RNF152: variants seen among roughly 807,000 people sequenced by gnomAD.
The protein encoded by RNF152 is ring finger protein 152, also known as E3 ubiquitin-protein ligase RNF152.
In RNF152, 11 loss-of-function variants were observed where a neutral mutation model predicts 12.7. That is an observed-to-expected ratio of 0.86 (90% CI 0.54 to 1.43). RNF152 has a LOEUF of 1.43. Among genes scored for constraint, RNF152 ranks in the 40% most tolerant of loss-of-function variants. The probability of loss-of-function intolerance (pLI) is 0.00; values close to 1 mark genes in which losing one functional copy is unlikely to be tolerated. For missense variants in RNF152, 255 were observed against 274.8 expected (o/e 0.93, Z 0.51); for synonymous variants, 113 against 120.3 (o/e 0.94, Z 0.40).
At chr18:61,825,077 T>G (rs1909595020) in intron 1 of RNF152, among the ~76,000 whole-genome samples, 1 of 152,188 alleles carries the variant, frequency 6.6e-6, no homozygotes, top group African/African-American at 2.4e-5. Flanking sequence ...ACAAAAATCC[T>G]ACTAAGTCTT....
chr18:61,823,572 C>T (rs1909520228), intron 1 of RNF152, among the ~76,000 whole-genome samples: 1 of 152,228 alleles, frequency 6.6e-6, no homozygotes, highest in South Asian at 2.1e-4. Flanking sequence ...GTGCTGGGAT[C>T]ACAGGCGTGA....
intron 1 of RNF152, among the ~76,000 whole-genome samples, chr18:61,887,742 G>A (rs184385080): frequency 1.5e-4 from 23 of 149,862 alleles, no homozygotes; most frequent in Non-Finnish European, 2.7e-4. Context: ...TATTTCTACA[G>A]TATCTGTCAA....
chr18:61,815,947 T>C lies in RNF152; in HGVS notation c.517A>G (p.Ile173Val), dbSNP rs1345331206. 5 of 1,613,930 alleles carry C rather than the reference T, an allele frequency of 3.1e-6. No individual in the cohort carries two copies. The highest frequency in any genetic ancestry group is 1.3e-5 in the African/African-American group (1 of 74,872). ...AAGACCAAGACGCAAGCCACCAAGA[T>C]GACAGTGCACACCCCCGACCAGGTG... ...SSTWSGVCTV[I>V]LVACVLVFLL... The change falls in exon 2 of 2, where the codon ATC (isoleucine) becomes GTC (valine). Residue 173 changes from isoleucine (I) to valine (V), a missense_variant. By Grantham distance (29) the Ile-to-Val change is conservative. Coordinates refer to ENST00000312828, the MANE Select transcript of RNF152 (RefSeq NM_173557.3).
Position 61,877,197 on chromosome 18 carries a change from T to C in RNF152, c.-136+15598A>G, listed in dbSNP as rs184732941. ...TGGGCACCAAATGAAACCATTTGAC[T>C]TACGTATTTTGGTCAGGGGTTCTGC... On this transcript the variant is annotated intron_variant, in intron 1 of 1. Coordinates refer to ENST00000312828, the MANE Select transcript of RNF152 (RefSeq NM_173557.3). Among the ~76,000 whole-genome samples, 187 of 152,340 alleles carry C rather than the reference T, an allele frequency of 1.2e-3. 1 individual carries two copies. Among genetic ancestry groups the C allele is most frequent in the Non-Finnish European group, 3.1e-4 (21 of 68,022 alleles).
chr18:61,860,915 T>C (rs1026281553), intron 1 of RNF152, among the ~76,000 whole-genome samples: 1 of 151,910 alleles, frequency 6.6e-6, no homozygotes, highest in Non-Finnish European at 1.5e-5. Flanking sequence ...GTTTAAAAGG[T>C]AAAAGAAAAA....
At chr18:61,859,880 AAAAAG>A (rs146200073) in intron 1 of RNF152, among the ~76,000 whole-genome samples, 22 of 151,118 alleles carry the variant, frequency 1.5e-4, no homozygotes, top group Non-Finnish European at 2.1e-4. Context: ...ACCTCAAAGA[AAAAAG>A]AAAAGAAAAG....
chr18:61,882,968 G>A (rs1027280858), intron 1 of RNF152, among the ~76,000 whole-genome samples: 3 of 152,084 alleles, frequency 2.0e-5, no homozygotes, highest in African/African-American at 4.8e-5. Flanking sequence ...AGCATCATGC[G>A]GTTCCACCAG....
intron 1 of RNF152, among the ~76,000 whole-genome samples, chr18:61,879,273 A>G (rs373814821): frequency 3.3e-5 from 5 of 152,238 alleles, no homozygotes; most frequent in African/African-American, 1.2e-4. Flanking sequence ...TTACATTTAC[A>G]TCATGTTTAC....
intron 1 of RNF152, among the ~76,000 whole-genome samples, chr18:61,863,801 C>T (rs1911604161): frequency 6.6e-6 from 1 of 152,178 alleles, no homozygotes; most frequent in African/African-American, 2.4e-5. Flanking sequence ...CCCAAAGCAA[C>T]ACCTGACAAG....
chr18:61,862,695 C>T (rs144985165), intron 1 of RNF152, among the ~76,000 whole-genome samples: 10 of 152,318 alleles, frequency 6.6e-5, no homozygotes, highest in African/African-American at 2.4e-4. Context: ...GTATCCTTTG[C>T]AATATCTTTT....
chr18:61,816,437 C>A lies in RNF152; in HGVS notation c.27G>T (p.Leu9=), dbSNP rs1293780469. The change falls in exon 2 of 2, where the codon CTG becomes CTT. Residue 9 remains leucine (L), a synonymous_variant. Coordinates refer to ENST00000312828, the MANE Select transcript of RNF152 (RefSeq NM_173557.3). ...AATTGAAACAGATCTGACATTCCAG[C>A]AGAGAGTCCTGGGACAGCGTCTCCA... is the stretch of plus-strand genomic sequence containing the variant. METLSQDS[L]LECQICFNYY... 1 of 1,609,384 alleles carries A rather than the reference C, an allele frequency of 6.2e-7. No individual in the cohort carries two copies. Among genetic ancestry groups the A allele is most frequent in the Admixed American group, 1.7e-5 (1 of 59,878 alleles).
chr18:61,886,306 A>G (rs1329062678), intron 1 of RNF152, among the ~76,000 whole-genome samples: 1 of 152,154 alleles, frequency 6.6e-6, no homozygotes, highest in Non-Finnish European at 1.5e-5. Flanking sequence ...TCAAAGAGTC[A>G]CCAATGATTT....
At chr18:61,830,599 A>C (rs909303441) in intron 1 of RNF152, among the ~76,000 whole-genome samples, 1 of 152,144 alleles carries the variant, frequency 6.6e-6, no homozygotes, top group Non-Finnish European at 1.5e-5. Flanking sequence ...GTAATATTCA[A>C]TTGTGTATTA....
At chr18:61,818,675 A>G (rs1909232493) in intron 1 of RNF152, among the ~76,000 whole-genome samples, 1 of 152,266 alleles carries the variant, frequency 6.6e-6, no homozygotes, top group African/African-American at 2.4e-5. Context: ...TGCACAAAGC[A>G]CAAAGCTAAA....
chr18:61,864,934 C>T (rs942643380), intron 1 of RNF152, among the ~76,000 whole-genome samples: 1 of 152,052 alleles, frequency 6.6e-6, no homozygotes, highest in African/African-American at 2.4e-5. Flanking sequence ...GCAGGAGAAT[C>T]GCTTGAACCC....
At chr18:61,867,807 T>A (rs1394517839) in intron 1 of RNF152, among the ~76,000 whole-genome samples, 1 of 152,210 alleles carries the variant, frequency 6.6e-6, no homozygotes, top group African/African-American at 2.4e-5. Flanking sequence ...ATTTAAAATG[T>A]AAAATACTGC....
At chr18:61,842,271 T>C (rs78317706) in intron 1 of RNF152, among the ~76,000 whole-genome samples, 7,311 of 152,322 alleles carry the variant, frequency 0.048, 236 homozygotes, top group Non-Finnish European at 0.067. Flanking sequence ...AATTCCACAT[T>C]ATAAACATTT....
chr18:61,868,710 A>G (rs1230279622), intron 1 of RNF152, among the ~76,000 whole-genome samples: 2 of 149,266 alleles, frequency 1.3e-5, no homozygotes, highest in African/African-American at 4.9e-5. Flanking sequence ...CTCAAAAAAT[A>G]AAAATAAAAA....
At chr18:61,877,534 T>C (rs1301022710) in intron 1 of RNF152, among the ~76,000 whole-genome samples, 3 of 152,210 alleles carry the variant, frequency 2.0e-5, no homozygotes, top group African/African-American at 7.2e-5. Flanking sequence ...CAGACACATA[T>C]ACATACACAG....
Sources: gnomAD v4.1 joint callset for allele counts (sites outside exome capture counted in the v4.1 genomes callset) on GRCh38, gnomAD v4.1.1 for gene constraint, MANE v1.5 for transcripts, NCBI Gene and HGNC (gene_info 2026-07-23, HGNC 2026-07-21) for gene names.